DOCK10: variants seen among roughly 807,000 people sequenced by gnomAD.
DOCK10 encodes the protein dedicator of cytokinesis protein 10.
In DOCK10, 145 loss-of-function variants were observed where a neutral mutation model predicts 280.1. That is an observed-to-expected ratio of 0.52 (90% confidence interval 0.45 to 0.59). The LOEUF (loss-of-function observed/expected upper bound fraction) is 0.59, where lower values mean the gene tolerates loss of function less well. Among genes scored for constraint, DOCK10 ranks in the 20% least tolerant of loss-of-function variants. DOCK10 has a pLI of 0.00. For missense variants in DOCK10, 2,368 were observed against 2,651.7 expected, an observed-to-expected ratio of 0.89 and a Z score of 2.35; for synonymous variants, 915 against 942.2, an observed-to-expected ratio of 0.97 and a Z score of 0.53.
intron 2 of DOCK10, among the ~76,000 whole-genome samples, chr2:224,920,919 G>A (rs1701667632): frequency 6.7e-6 from 1 of 150,126 alleles, no homozygotes; most frequent in Admixed American, 6.6e-5. Context: ...CATCTATGTA[G>A]TAAACTTACT....
chr2:224,804,440 A>G (rs1009212066), intron 38 of DOCK10, among the ~76,000 whole-genome samples: 2 of 146,802 alleles, frequency 1.4e-5, no homozygotes, highest in Non-Finnish European at 3.0e-5. Flanking sequence ...AAGTTATTCC[A>G]GATTACTTGT....
intron 1 of DOCK10, among the ~76,000 whole-genome samples, chr2:224,950,351 A>G (rs548929333): frequency 6.6e-6 from 1 of 152,194 alleles, no homozygotes; most frequent in African/African-American, 2.4e-5. Context: ...TTTTTATGGA[A>G]CCTATTTAAA....
intron 27 of DOCK10, among the ~76,000 whole-genome samples, chr2:224,824,429 CTTTTTTTTTT>C (rs869275800): frequency 1.6e-5 from 1 of 63,602 alleles, no homozygotes; most frequent in African/African-American, 7.3e-5. Context: ...TCAGACTCTG[CTTTTTTTTTT>C]TTTTTTTTTT....
chr2:224,842,391 CA>C (rs538888003), intron 22 of DOCK10, among the ~76,000 whole-genome samples: 2 of 152,314 alleles, frequency 1.3e-5, no homozygotes, highest in South Asian at 4.1e-4. Flanking sequence ...CTGACTATAA[CA>C]CTTGAAATTT....
chr2:224,903,387 G>A (rs1020945813), intron 3 of DOCK10, among the ~76,000 whole-genome samples: 46 of 152,244 alleles, frequency 3.0e-4, no homozygotes, highest in African/African-American at 1.0e-3. Flanking sequence ...ATTTTAAGAC[G>A]ATTTTGTTGC....
chr2:224,829,719 A>G (rs1194887145), intron 27 of DOCK10, among the ~76,000 whole-genome samples: 4 of 152,214 alleles, frequency 2.6e-5, no homozygotes, highest in African/African-American at 7.2e-5. Context: ...GGTTTGGGTC[A>G]TATCACCAGG....
At chr2:224,807,607 AT>A in intron 33 of DOCK10, 60 bp downstream of exon 33, 1 of 1,208,086 alleles carries the variant, frequency 8.3e-7, no homozygotes. Flanking sequence ...AGGGCAAAAA[AT>A]AATTAAAAAA....
At chr2:225,002,814 CG>C (rs1206855539) in intron 1 of DOCK10, among the ~76,000 whole-genome samples, 1 of 151,712 alleles carries the variant, frequency 6.6e-6, no homozygotes, top group Non-Finnish European at 1.5e-5. Context: ...CTTGCATGAT[CG>C]GGCAGGTGTA....
chr2:224,888,219 CTGTGTG>C (rs113299591), intron 4 of DOCK10, among the ~76,000 whole-genome samples: 60 of 140,158 alleles, frequency 4.3e-4, no homozygotes, highest in South Asian at 1.2e-3. Context: ...TAATATAGGC[CTGTGTG>C]TGTGTGTGTG....
Position 224,885,891 on chromosome 2 carries a change from G to A in DOCK10, c.613-86C>T, listed in dbSNP as rs771062036. 5.9e-6 allele frequency: 9 copies of A among 1,531,014 alleles called. No individual in the cohort carries two copies. The Admixed American group carries it at 9.9e-5, about 17-fold the overall frequency. 94.8% of individuals were successfully genotyped at this position (1,531,014 alleles called of 1,614,324 possible). A position where few individuals can be genotyped will look rare whatever the true frequency, so the allele number is the denominator to read the frequency against. The stretch of plus-strand genomic sequence containing the variant: ...ATTAGAATTATTCTAATTCCTTCAG[G>A]AGTGCTATATTTCTAGGACATTTTT... On this transcript the variant is annotated intron_variant, in intron 6 of 55. Coordinates refer to ENST00000258390, the MANE Select transcript of DOCK10 (RefSeq NM_014689.3).
intron 3 of DOCK10, among the ~76,000 whole-genome samples, chr2:224,905,234 ATTTTTTTT>A (rs201582173): frequency 9.0e-6 from 1 of 111,542 alleles, no homozygotes; most frequent in Non-Finnish European, 1.7e-5. Flanking sequence ...CTATGGAACT[ATTTTTTTT>A]TTTTTTTTTT....
chr2:224,877,203 A>G (rs1006217055), intron 7 of DOCK10, among the ~76,000 whole-genome samples: 1 of 152,212 alleles, frequency 6.6e-6, no homozygotes, highest in Non-Finnish European at 1.5e-5. Context: ...TTTCCAGTCT[A>G]GGACAAAGGG....
chr2:224,852,369 T>TG lies in DOCK10; in HGVS notation c.2142+7dup. The TG allele has an allele frequency of 6.4e-7, 1 of 1,566,582 alleles. No homozygotes were observed. The highest frequency in any genetic ancestry group is 8.7e-7 in the Non-Finnish European group (1 of 1,154,288). ...TTTATGCTGGGTCCCTTTGCTGACTTGGCTCACCTTCAGGGGCTTGGCACT... is the reference window on the plus strand; with the variant it reads ...TTTATGCTGGGTCCCTTTGCTGACTTGGGCTCACCTTCAGGGGCTTGGCACT... On this transcript the variant is annotated splice_region_variant and intron_variant, in intron 18 of 55. Transcript: ENST00000258390.
At chr2:224,847,947 G>C (rs769290420) in intron 19 of DOCK10, among the ~76,000 whole-genome samples, 2 of 152,206 alleles carry the variant, frequency 1.3e-5, no homozygotes, top group African/African-American at 4.8e-5. Context: ...GAAATGGGGA[G>C]ATTATCCTGG....
chr2:224,991,647 C>T (rs1321162802), intron 1 of DOCK10, among the ~76,000 whole-genome samples: 2 of 152,104 alleles, frequency 1.3e-5, no homozygotes, highest in Non-Finnish European at 2.9e-5. Context: ...CAGAAAGTTT[C>T]CTTGACTTCT....
At chr2:224,977,416 C>T (rs554465912) in intron 1 of DOCK10, among the ~76,000 whole-genome samples, 52 of 152,090 alleles carry the variant, frequency 3.4e-4, no homozygotes, top group African/African-American at 1.0e-3. Context: ...CATTCTCTTT[C>T]GGGGGAAGGG....
intron 1 of DOCK10, among the ~76,000 whole-genome samples, chr2:224,956,880 C>T (rs942548557): frequency 6.6e-6 from 1 of 152,146 alleles, no homozygotes; most frequent in African/African-American, 2.4e-5. Context: ...ATTAACTAAC[C>T]AGCTGGATCA....
intron 1 of DOCK10, among the ~76,000 whole-genome samples, chr2:224,942,457 T>C (rs964819209): frequency 3.3e-5 from 5 of 152,252 alleles, no homozygotes; most frequent in Non-Finnish European, 5.9e-5. Context: ...CCTTGTTTCA[T>C]TGTTCCTAGA....
chr2:224,837,033 T>A (rs1304425982), intron 25 of DOCK10, among the ~76,000 whole-genome samples: 1 of 152,064 alleles, frequency 6.6e-6, no homozygotes, highest in Non-Finnish European at 1.5e-5. Context: ...GGAAAAAAAA[T>A]AAGAGATTTA....
Sources: allele counts gnomAD v4.1 joint callset (sites outside exome capture counted in the v4.1 genomes callset), GRCh38; gene constraint gnomAD v4.1.1; transcripts MANE v1.5; gene names NCBI Gene and HGNC (gene_info 2026-07-23, HGNC 2026-07-21).